The following ADAM12 variants were observed in gnomAD, a reference collection of about 807,000 sequenced individuals.
ADAM12 encodes the protein disintegrin and metalloproteinase domain-containing protein 12.
ADAM12 carries 70 observed loss-of-function variants against 106.4 expected under a neutral mutation model. The observed-to-expected ratio is 0.66, with a 90% CI of 0.54 to 0.80. The LOEUF (loss-of-function observed/expected upper bound fraction) is 0.80. Ranked by LOEUF, ADAM12 falls within the 30% of genes least tolerant of loss-of-function variation. The pLI is 0.00. For synonymous variants in ADAM12, 420 were observed against 433.5 expected (o/e 0.97, Z 0.39); for missense variants, 1,010 against 1,171.9 (o/e 0.86, Z 2.02).
chr10:126,251,766 A>G (rs1464940818), intron 3 of ADAM12, among the ~76,000 whole-genome samples: 1 of 148,568 alleles, frequency 6.7e-6, no homozygotes, highest in African/African-American at 2.5e-5. Context: ...GATGGATGGG[A>G]TGATGGGATG....
intron 3 of ADAM12, among the ~76,000 whole-genome samples, chr10:126,187,207 G>A (rs1284125663): frequency 5.9e-5 from 9 of 151,930 alleles, no homozygotes; most frequent in Non-Finnish European, 7.4e-5. Context: ...TTAAAATACA[G>A]ATACAATACA....
At chr10:126,299,159 C>G (rs753777725) in intron 2 of ADAM12, among the ~76,000 whole-genome samples, 3 of 152,114 alleles carry the variant, frequency 2.0e-5, no homozygotes, top group Non-Finnish European at 4.4e-5. Flanking sequence ...AAACAGAACC[C>G]AGTGAATAAG....
At chr10:126,260,173 A>G (rs1412172958) in intron 3 of ADAM12, among the ~76,000 whole-genome samples, 1 of 152,206 alleles carries the variant, frequency 6.6e-6, no homozygotes, top group African/African-American at 2.4e-5. Flanking sequence ...AGTAGTCTTC[A>G]CTTGGTTCTT....
chr10:126,191,718 G>C (rs962253213), intron 3 of ADAM12, among the ~76,000 whole-genome samples: 3 of 152,182 alleles, frequency 2.0e-5, no homozygotes, highest in South Asian at 4.1e-4. Context: ...TAGGGTTTGA[G>C]AAAGTAGAAC....
At chr10:126,156,758 G>C (rs1229661099) in intron 3 of ADAM12, among the ~76,000 whole-genome samples, 1 of 152,206 alleles carries the variant, frequency 6.6e-6, no homozygotes, top group Non-Finnish European at 1.5e-5. Context: ...GCAGGAGTCG[G>C]CCAGGCCCAG....
intron 3 of ADAM12, among the ~76,000 whole-genome samples, chr10:126,209,490 T>C (rs981586476): frequency 6.6e-6 from 1 of 152,218 alleles, no homozygotes; most frequent in Non-Finnish European, 1.5e-5. Context: ...GGGTGTCCTA[T>C]TGTCACACAG....
At chr10:126,104,267 T>C (rs988163964) in intron 8 of ADAM12, among the ~76,000 whole-genome samples, 8 of 151,952 alleles carry the variant, frequency 5.3e-5, no homozygotes, top group Non-Finnish European at 1.0e-4. Context: ...CTGTCCAACA[T>C]GGTGAAACTC....
chr10:126,183,468 C>A (rs1957349368), intron 3 of ADAM12, among the ~76,000 whole-genome samples: 1 of 152,196 alleles, frequency 6.6e-6, no homozygotes, highest in Admixed American at 6.5e-5. Flanking sequence ...CTACTGCAGA[C>A]AGGTGAGCTT....
In ADAM12 at chr10:126,388,033, G is replaced by A. The variant is rs752525146; in HGVS notation, c.88+25C>T. 3.3e-6 allele frequency: 4 copies of A among 1,203,204 alleles called. No individual in the cohort carries two copies. In the East Asian group the frequency reaches 1.0e-4, roughly 31 times the overall value. The allele number at this position is 1,203,204 out of a possible 1,614,324, so 74.5% of individuals were successfully genotyped here. ...CGGTGCCCTCGGCGGGGCGGGCAGC[G>A]AGCCGCCCTAGTTCGGCGACTTACC... On this transcript the variant is annotated intron_variant, in intron 1 of 22. Transcript: ENST00000448723. The surrounding 1 kb of genome is among the most constrained non-coding windows in gnomAD (Gnocchi z 4.4).
rs568811755 is a variant in ADAM12, at chr10:126,079,830, G to A, written c.1146-8176C>T. 2.6e-5 allele frequency among the ~76,000 whole-genome samples: 4 copies of A among 152,270 alleles called. No individual in the cohort carries two copies. In the East Asian group the frequency reaches 7.7e-4, roughly 29 times the overall value. ...GTGATCACATGAAAGATGTGCCAAT[G>A]GACAACAGGCAAGGCAAGGAATCAT... On this transcript the variant is annotated intron_variant, in intron 11 of 22. Coordinates refer to ENST00000448723, the MANE Select transcript of ADAM12 (RefSeq NM_001288973.2).
intron 3 of ADAM12, among the ~76,000 whole-genome samples, chr10:126,225,076 C>A (rs1443946227): frequency 6.6e-6 from 1 of 152,328 alleles, no homozygotes; most frequent in East Asian, 1.9e-4. Flanking sequence ...ATCCTCTGAG[C>A]CCACTGTTTC....
rs183921754 is a variant in ADAM12 at position 126,068,570 on chromosome 10, G to C, written c.1324-1764C>G. Among the ~76,000 whole-genome samples the C allele has an allele frequency of 1.4e-3, 206 of 152,286 alleles. 1 individual carries two copies. The highest frequency in any genetic ancestry group is 3.4e-3 in the Middle Eastern group (1 of 294). On this transcript the variant is annotated intron_variant, in intron 12 of 22. Coordinates refer to ENST00000448723, the MANE Select transcript of ADAM12 (RefSeq NM_001288973.2). ...GAGATAAGGCTGCTTTCCCAATCCT[G>C]TTAGCTGGAAGAATGAGTGAGTTGT...
At chr10:126,233,735 G>A (rs1958359787) in intron 3 of ADAM12, among the ~76,000 whole-genome samples, 1 of 152,092 alleles carries the variant, frequency 6.6e-6, no homozygotes, top group Admixed American at 6.5e-5. Context: ...TTCTAATAAG[G>A]GGACTCCCTC....
chr10:126,366,823 C>A (rs1463729838), intron 1 of ADAM12, among the ~76,000 whole-genome samples: 2 of 151,984 alleles, frequency 1.3e-5, no homozygotes, highest in African/African-American at 4.8e-5. Flanking sequence ...GAAATTACTA[C>A]CAGAGATAAA....
Position 126,159,136 on chromosome 10 carries a change from C to T in ADAM12, c.261-3831G>A, listed in dbSNP as rs565526825. 9.1e-4 allele frequency among the ~76,000 whole-genome samples: 138 copies of T among 151,852 alleles called. 8 individuals carry two copies. The highest frequency in any genetic ancestry group is 1.5e-3 in the Admixed American group (23 of 15,264). ...CATTCTGGCTAATACGGTGAAACCC[C>T]GTCTCTACTAAAAATACAAAAAAAT... On this transcript the variant is annotated intron_variant, in intron 3 of 22. Coordinates refer to ENST00000448723, the MANE Select transcript of ADAM12 (RefSeq NM_001288973.2).
At chr10:126,105,410 G>A (rs111361589) in intron 8 of ADAM12, among the ~76,000 whole-genome samples, 8,580 of 152,142 alleles carry the variant, frequency 0.056, 827 homozygotes, top group African/African-American at 0.19. Flanking sequence ...TTTTCTTCTC[G>A]TTGGACAGTC....
intron 11 of ADAM12, among the ~76,000 whole-genome samples, chr10:126,091,805 T>G (rs191204582): frequency 1.3e-5 from 2 of 152,198 alleles, no homozygotes; most frequent in African/African-American, 4.8e-5. Context: ...CAGAATTATA[T>G]AATTTTTAGA....
chr10:126,343,514 C>T (rs981118345), intron 1 of ADAM12, among the ~76,000 whole-genome samples: 2 of 152,140 alleles, frequency 1.3e-5, no homozygotes, highest in African/African-American at 4.8e-5. Context: ...TTTATAGCAG[C>T]ATGATTTATA....
chr10:126,152,687 GATTTT>G (rs1376455196), intron 4 of ADAM12, among the ~76,000 whole-genome samples: 1 of 151,536 alleles, frequency 6.6e-6, no homozygotes, highest in African/African-American at 2.4e-5. Flanking sequence ...GATGTAGCTG[GATTTT>G]ATTTTAAATT....
Sources: gnomAD v4.1 joint callset for allele counts (sites outside exome capture counted in the v4.1 genomes callset) on GRCh38, gnomAD v4.1.1 for gene constraint, Gnocchi (gnomAD v3.1) non-coding constraint, MANE v1.5 for transcripts, NCBI Gene and HGNC (gene_info 2026-07-23, HGNC 2026-07-21) for gene names.